Variants in HFM1 observed in about 807,000 individuals in gnomAD.
The protein encoded by HFM1 is helicase for meiosis 1, also known as probable ATP-dependent DNA helicase HFM1.
HFM1 carries 169 observed loss-of-function variants against 192.1 expected under a neutral mutation model. The observed-to-expected ratio is 0.88, with a 90% confidence interval of 0.78 to 1.00. HFM1 has a LOEUF of 1.00. HFM1 is among the 50% of genes least tolerant of loss of function. The pLI is 0.00. For missense variants in HFM1, 1,661 were observed against 1,668.0 expected, an observed-to-expected ratio of 1.00 and a Z score of 0.07; for synonymous variants, 525 against 537.8, an observed-to-expected ratio of 0.98 and a Z score of 0.33.
chr1:91,394,169 T>C lies in HFM1; in HGVS notation c.418A>G (p.Lys140Glu), dbSNP rs1179092464. Residue 140 changes from lysine to glutamate, a missense_variant, in exon 4 of 39, where the codon AAG becomes GAG. Lys to Glu is a moderately conservative substitution (Grantham distance 56). Coordinates refer to ENST00000370425, the MANE Select transcript of HFM1 (RefSeq NM_001017975.6). ...AATTTTGTATCATCAGGAACACTCT[T>C]CTCAGGTGCTATCTCAGTGCCAATG... ...NHIGTEIAPE[K>E]SVPDDTKLVN... The C allele has an allele frequency of 1.2e-6, 2 of 1,609,340 alleles. No individual in the cohort carries two copies. Among genetic ancestry groups the C allele is most frequent in the Non-Finnish European group, 1.7e-6 (2 of 1,176,032 alleles).
At chr1:91,305,653 G>A (rs992354862) in intron 30 of HFM1, among the ~76,000 whole-genome samples, 5 of 151,250 alleles carry the variant, frequency 3.3e-5, no homozygotes, top group Admixed American at 6.6e-5. Flanking sequence ...CTGTAACTTC[G>A]AACACCTGGA....
chr1:91,404,414 T>C (rs1035334818), intron 1 of HFM1, among the ~76,000 whole-genome samples: 16 of 152,096 alleles, frequency 1.1e-4, no homozygotes, highest in Admixed American at 9.2e-4. Flanking sequence ...CTCAGACAGA[T>C]GGGTACGTCC....
At chr1:91,401,268 C>G (rs1664281556) in intron 1 of HFM1, among the ~76,000 whole-genome samples, 159 bp from the exon 2 acceptor site, 1 of 152,208 alleles carries the variant, frequency 6.6e-6, no homozygotes, top group African/African-American at 2.4e-5. Flanking sequence ...CCTCAATATT[C>G]ACATACATTA....
At chr1:91,364,202 A>G (rs546091914) in intron 13 of HFM1, among the ~76,000 whole-genome samples, 1 of 152,084 alleles carries the variant, frequency 6.6e-6, no homozygotes, top group Non-Finnish European at 1.5e-5. Context: ...GAAAAAAAAA[A>G]CATAAGAATG....
upstream of HFM1, among the ~76,000 whole-genome samples, chr1:91,405,787 A>G (rs2102249073): frequency 2.0e-5 from 3 of 152,362 alleles, 1 homozygote; most frequent in Middle Eastern, 0.01. Flanking sequence ...TGGGTGAGCC[A>G]GTTATTTGGA....
At chr1:91,328,599 C>A in intron 20 of HFM1, 1 of 1,604,172 alleles carries the variant, frequency 6.2e-7, no homozygotes, top group Non-Finnish European at 8.5e-7. Flanking sequence ...GCACTATTCG[C>A]GTGATGGAGA....
chr1:91,387,151 C>T (rs1212059714), intron 4 of HFM1, among the ~76,000 whole-genome samples: 1 of 152,122 alleles, frequency 6.6e-6, no homozygotes, highest in Non-Finnish European at 1.5e-5. Flanking sequence ...ATGACTTATC[C>T]ATTCAGGGGC....
intron 28 of HFM1, 142 bp downstream of exon 28, chr1:91,315,673 T>C (rs1249887938): frequency 1.6e-5 from 9 of 580,096 alleles, no homozygotes; most frequent in Admixed American, 6.4e-5. Context: ...AATAGAAAAA[T>C]AGAGAAACCA....
intron 13 of HFM1, 57 bp from the exon 14 acceptor site, chr1:91,353,356 G>GA (rs996699462): frequency 1.0e-6 from 1 of 981,144 alleles, no homozygotes; most frequent in Admixed American, 2.5e-5. Context: ...AGAGAACTCT[G>GA]AAACAGTTTA....
intron 13 of HFM1, among the ~76,000 whole-genome samples, chr1:91,367,246 T>A (rs563060184): frequency 6.6e-6 from 1 of 152,112 alleles, no homozygotes; most frequent in Non-Finnish European, 1.5e-5. Flanking sequence ...GTCTGACACA[T>A]TGGAAGACAG....
intron 30 of HFM1, among the ~76,000 whole-genome samples, chr1:91,289,265 G>A (rs1668413217): frequency 4.0e-5 from 6 of 151,628 alleles, no homozygotes; most frequent in Admixed American, 2.6e-4. Flanking sequence ...TCTCAGACGG[G>A]GCGGCGGGGC....
At chr1:91,361,646 T>C (rs1658537667) in intron 13 of HFM1, among the ~76,000 whole-genome samples, 2 of 152,090 alleles carry the variant, frequency 1.3e-5, no homozygotes, top group African/African-American at 4.8e-5. Context: ...TGTCACCATT[T>C]CTACTGAAAC....
intron 20 of HFM1, among the ~76,000 whole-genome samples, chr1:91,327,370 T>C (rs1653071489): frequency 6.6e-6 from 1 of 152,110 alleles, no homozygotes; most frequent in Admixed American, 6.6e-5. Flanking sequence ...ACAAAAAAGT[T>C]AGCCAGGAAT....
intron 2 of HFM1, among the ~76,000 whole-genome samples, chr1:91,397,814 G>A (rs1009880159): frequency 1.3e-5 from 2 of 152,182 alleles, no homozygotes; most frequent in African/African-American, 4.8e-5. Flanking sequence ...TCTCCCAGCA[G>A]ACTCTGCGGG....
chr1:91,334,184 T>C (rs1391089830), intron 20 of HFM1, among the ~76,000 whole-genome samples: 1 of 152,150 alleles, frequency 6.6e-6, no homozygotes, highest in African/African-American at 2.4e-5. Flanking sequence ...TGAGTCCTGA[T>C]CAGACTGAGT....
intron 13 of HFM1, among the ~76,000 whole-genome samples, chr1:91,370,368 A>G (rs1660010530): frequency 6.6e-6 from 1 of 152,356 alleles, no homozygotes; most frequent in East Asian, 1.9e-4. Context: ...CAAATCCAGC[A>G]GCACATCAAA....
chr1:91,304,012 G>A (rs923726387), intron 30 of HFM1, among the ~76,000 whole-genome samples: 2 of 151,816 alleles, frequency 1.3e-5, no homozygotes, highest in African/African-American at 2.4e-5. Flanking sequence ...GCACCAACAC[G>A]CCTGGCTAAT....
intron 21 of HFM1, among the ~76,000 whole-genome samples, chr1:91,323,804 G>C (rs563251999): frequency 6.6e-6 from 1 of 151,962 alleles, no homozygotes; most frequent in African/African-American, 2.4e-5. Flanking sequence ...GGGTGTTTTC[G>C]ACTCTTGATT....
Position 91,342,151 on chromosome 1 carries a change from A to AAAAAAAAAAAAAC in HFM1, c.2335+1278_2335+1279insGTTTTTTTTTTTT, listed in dbSNP as rs58288889. ...ACACAATGAAAAAAAAAAAAAAAAA[A>AAAAAAAAAAAAAC]TTCAGGCGAATATTCCTGATGAACA... On this transcript the variant is annotated intron_variant, in intron 20 of 38. Transcript: ENST00000370425. 6.3e-5 allele frequency among the ~76,000 whole-genome samples: 7 copies of AAAAAAAAAAAAAC among 111,830 alleles called. 1 individual carries two copies. Among genetic ancestry groups the AAAAAAAAAAAAAC allele is most frequent in the Admixed American group, 2.1e-4 (2 of 9,454 alleles). The allele number at this position is 111,830 out of a possible 152,430, so 73.4% of individuals were successfully genotyped here.
Sources: gnomAD v4.1 joint callset for allele counts (sites outside exome capture counted in the v4.1 genomes callset) on GRCh38, gnomAD v4.1.1 for gene constraint, MANE v1.5 for transcripts, NCBI Gene and HGNC (gene_info 2026-07-23, HGNC 2026-07-21) for gene names.